GLDC: variants seen among roughly 807,000 people sequenced by gnomAD.
GLDC encodes glycine dehydrogenase (decarboxylating), mitochondrial.
Under a neutral mutation model 121.3 loss-of-function variants are expected in GLDC, and 104 were observed. The ratio of observed to expected loss-of-function variants is 0.86; its 90% CI spans 0.73 to 1.01. The LOEUF (loss-of-function observed/expected upper bound fraction) is 1.01, where lower values mean the gene tolerates loss of function less well. GLDC is among the 50% of genes least tolerant of loss of function. The probability of loss-of-function intolerance (pLI) is 0.00; values close to 1 mark genes in which losing one functional copy is unlikely to be tolerated. For synonymous variants in GLDC, 546 were observed against 480.6 expected, an observed-to-expected ratio of 1.14 and a Z score of -1.78; for missense variants, 1,429 against 1,306.6, an observed-to-expected ratio of 1.09 and a Z score of -1.44.
At chr9:6,626,369 A>G (rs34247224) in intron 2 of GLDC, among the ~76,000 whole-genome samples, 34,655 of 151,988 alleles carry the variant, frequency 0.23, 3,896 homozygotes, top group South Asian at 0.3. Context: ...CTACAGAAGG[A>G]GCAGGATTGA....
chr9:6,639,292 A>C (rs1587986095), intron 2 of GLDC: 1 of 926,092 alleles, frequency 1.1e-6, no homozygotes, highest in Non-Finnish European at 1.8e-6. Flanking sequence ...GCGGTCCAAG[A>C]CCCTGCGACT....
At chr9:6,602,295 G>C (rs948956336) in intron 7 of GLDC, 90 bp from the exon 8 acceptor site, 7 of 848,962 alleles carry the variant, frequency 8.2e-6, no homozygotes, top group Non-Finnish European at 9.9e-6. Context: ...TTCCCAGCTT[G>C]AAGTGAATTC....
intron 21 of GLDC, among the ~76,000 whole-genome samples, chr9:6,543,894 G>C (rs571471986): frequency 3.0e-4 from 45 of 149,516 alleles, no homozygotes; most frequent in East Asian, 2.5e-3. Flanking sequence ...AGGACAGGAG[G>C]GGGGGGGATG....
At chr9:6,644,871 T>G (rs1283353271) in intron 1 of GLDC, 179 bp from the exon 2 acceptor site, 1 of 649,152 alleles carries the variant, frequency 1.5e-6, no homozygotes, top group African/African-American at 1.8e-5. Context: ...AATCGTGAAG[T>G]GGGGTGGAGA....
intron 20 of GLDC, 32 bp downstream of exon 20, chr9:6,553,336 C>G: frequency 6.2e-7 from 1 of 1,609,832 alleles, no homozygotes; most frequent in African/African-American, 1.3e-5. Flanking sequence ...CCCCCACCCA[C>G]CTGCACACCT....
chr9:6,601,151 C>T (rs565095427), intron 8 of GLDC, among the ~76,000 whole-genome samples: 4 of 152,086 alleles, frequency 2.6e-5, no homozygotes, highest in East Asian at 3.9e-4. Flanking sequence ...CCAGCCTGGG[C>T]GACAGAGTAA....
At chr9:6,575,451 T>G (rs1210497245) in intron 15 of GLDC, among the ~76,000 whole-genome samples, 1 of 152,200 alleles carries the variant, frequency 6.6e-6, no homozygotes, top group Non-Finnish European at 1.5e-5. Context: ...ATGCAAATTC[T>G]GGGGCCCTAC....
chr9:6,612,959 C>A (rs1336619730), intron 3 of GLDC, among the ~76,000 whole-genome samples: 1 of 152,156 alleles, frequency 6.6e-6, no homozygotes, highest in East Asian at 1.9e-4. Flanking sequence ...GGGAGTGAGA[C>A]TCTGTCTCAA....
intron 4 of GLDC, among the ~76,000 whole-genome samples, chr9:6,607,621 A>C (rs565545747): frequency 2.8e-4 from 43 of 151,954 alleles, no homozygotes; most frequent in Non-Finnish European, 4.0e-4. Context: ...AATAAATAAA[A>C]TAGTTTATTT....
intron 22 of GLDC, among the ~76,000 whole-genome samples, chr9:6,538,324 G>C (rs1223480519): frequency 6.6e-6 from 1 of 152,146 alleles, no homozygotes; most frequent in Admixed American, 6.5e-5. Flanking sequence ...AACATGCCAG[G>C]TGATTCTGAT....
chr9:6,618,472 T>C (rs1390940407), intron 3 of GLDC, among the ~76,000 whole-genome samples: 11 of 152,074 alleles, frequency 7.2e-5, no homozygotes, highest in Non-Finnish European at 1.6e-4. Flanking sequence ...CACGCCCAGC[T>C]AATTTTGTAT....
At chr9:6,550,781 A>T in intron 21 of GLDC, 22 bp downstream of exon 21, 1 of 1,499,228 alleles carries the variant, frequency 6.7e-7, no homozygotes, top group Non-Finnish European at 9.3e-7. Flanking sequence ...CAAAGTAATG[A>T]TAGATTAAAG....
chr9:6,629,961 T>A (rs556903962), intron 2 of GLDC, among the ~76,000 whole-genome samples: 789 of 53,250 alleles, frequency 0.015, 64 homozygotes, highest in Middle Eastern at 0.039. Flanking sequence ...ATATATATTT[T>A]TTTTTTTTAA....
At chr9:6,631,674 T>G (rs1819379671) in intron 2 of GLDC, among the ~76,000 whole-genome samples, 1 of 152,212 alleles carries the variant, frequency 6.6e-6, no homozygotes, top group African/African-American at 2.4e-5. Flanking sequence ...AGGTACATTG[T>G]CATGGCCTAC....
At chr9:6,551,399 T>G (rs1817511596) in intron 20 of GLDC, among the ~76,000 whole-genome samples, 1 of 152,224 alleles carries the variant, frequency 6.6e-6, no homozygotes, top group Non-Finnish European at 1.5e-5. Context: ...AATCTTGTCC[T>G]GGTAGTTAAG....
chr9:6,576,501 T>C (rs1818067964), intron 15 of GLDC, among the ~76,000 whole-genome samples: 1 of 152,182 alleles, frequency 6.6e-6, no homozygotes, highest in Non-Finnish European at 1.5e-5. Flanking sequence ...GGTTTCACTC[T>C]TGTCGCCCAG....
At chr9:6,564,445 G>A (rs1329975995) in intron 16 of GLDC, among the ~76,000 whole-genome samples, 2 of 152,092 alleles carry the variant, frequency 1.3e-5, no homozygotes, top group Non-Finnish European at 2.9e-5. Flanking sequence ...CCTTCCAGTG[G>A]TAATAAAACC....
intron 15 of GLDC, chr9:6,566,517 C>T (rs1817857564): frequency 6.6e-6 from 1 of 152,216 alleles, no homozygotes. Flanking sequence ...GTTCGGCTCT[C>T]CCAGGCCCCG....
intron 5 of GLDC, 89 bp downstream of exon 5, chr9:6,606,503 C>A: frequency 1.1e-6 from 1 of 894,778 alleles, no homozygotes; most frequent in Non-Finnish European, 1.9e-6. Context: ...AGATTCACCT[C>A]CAATCAGTTT....
Sources: allele counts gnomAD v4.1 joint callset (sites outside exome capture counted in the v4.1 genomes callset), GRCh38; gene constraint gnomAD v4.1.1; transcripts MANE v1.5; gene names NCBI Gene and HGNC (gene_info 2026-07-23, HGNC 2026-07-21).